Variants in CSRNP2 observed in about 807,000 individuals in gnomAD.
CSRNP2 encodes the protein cysteine/serine-rich nuclear protein 2.
Under a neutral mutation model 36.6 loss-of-function variants are expected in CSRNP2, and 11 were observed. The observed-to-expected ratio is 0.30, with a 90% CI of 0.19 to 0.50. The LOEUF (loss-of-function observed/expected upper bound fraction) is 0.50. CSRNP2 is among the 20% of genes least tolerant of loss of function. The pLI, the probability that CSRNP2 is intolerant of heterozygous loss-of-function variation, is 0.98. For synonymous variants in CSRNP2, 248 were observed against 275.3 expected (o/e 0.90, Z 0.98); for missense variants, 483 against 691.4 (o/e 0.70, Z 3.38).
intron 1 of CSRNP2, among the ~76,000 whole-genome samples, chr12:51,079,221 C>A (rs189190320): frequency 6.6e-6 from 1 of 151,694 alleles, no homozygotes; most frequent in Non-Finnish European, 1.5e-5. Flanking sequence ...CGGGGCCTGT[C>A]GTGGGGTGGG....
In CSRNP2 at chr12:51,064,126, C is replaced by G; in HGVS notation, c.1252G>C (p.Val418Leu). The G allele has an allele frequency of 1.2e-6, 2 of 1,614,186 alleles. No homozygotes were observed. The highest frequency in any genetic ancestry group is 1.7e-6 in the Non-Finnish European group (2 of 1,180,038). The change falls in exon 5 of 5, where the codon GTC becomes CTC. Residue 418 changes from valine (V) to leucine (L), a missense_variant. Val to Leu is a conservative substitution (Grantham distance 32, BLOSUM62 1). This residue lies in a region of CSRNP2 where 277 missense variants were observed against 323.6 expected (regional missense o/e 0.86). Transcript: ENST00000228515. Reference protein sequence around the residue: ...SPSYLNSGPLVYYQVEQRPVL... With the variant: ...SPSYLNSGPLLYYQVEQRPVL... ...GGCCTCTGCTCCACTTGATAATAGA[C>G]CAGGGGCCCACTGTTCAAGTAGGAT...
At chr12:51,076,345 C>G (rs1186019240) in intron 2 of CSRNP2, 66 bp downstream of exon 2, 3 of 1,556,804 alleles carry the variant, frequency 1.9e-6, no homozygotes, top group Non-Finnish European at 2.6e-6. Flanking sequence ...GACGCTGTCT[C>G]GAGCTGCCAT....
intron 4 of CSRNP2, among the ~76,000 whole-genome samples, chr12:51,065,463 T>C (rs1938072471): frequency 6.6e-6 from 1 of 152,216 alleles, no homozygotes; most frequent in Non-Finnish European, 1.5e-5. Flanking sequence ...CTTTCTATGA[T>C]ACTGACTTAT....
Position 51,061,531 on chromosome 12 carries a change from G to C in CSRNP2, c.*2215C>G, listed in dbSNP as rs904719957. On this transcript the variant is annotated 3_prime_UTR_variant, in exon 5 of 5. Transcript: ENST00000228515. ...CAGAAGTGAGATGGACTAGGTTGTA[G>C]AGAAGGCCTTTCGCTTGACAAGACA... 1 of 152,662 alleles carries C rather than the reference G, an allele frequency of 6.6e-6. No individual in the cohort carries two copies. The highest frequency in any genetic ancestry group is 2.4e-5 in the African/African-American group (1 of 41,460). 9.5% of individuals were successfully genotyped at this position (152,662 alleles called of 1,614,324 possible). A position where few individuals can be genotyped will look rare whatever the true frequency, so the allele number is the denominator to read the frequency against.
chr12:51,073,896 T>C lies in CSRNP2; in HGVS notation c.338A>G (p.Glu113Gly). The C allele has an allele frequency of 6.2e-7, 1 of 1,614,126 alleles. No homozygotes were observed. The highest frequency in any genetic ancestry group is 1.1e-5 in the South Asian group (1 of 91,074). The change falls in exon 3 of 5, where the codon GAA becomes GGA. Residue 113 changes from glutamate to glycine, a missense_variant. Physicochemically the swap from Glu to Gly is moderately conservative, Grantham distance 98. Transcript: ENST00000228515. ...AATCTCTCGATGGTTCACCTCCTGT[T>C]CCTGGGCAAACTCACAGAGTGTATA... The part of the protein sequence containing the change: ...RSYTLCEFAQ[E>G]QEVNHREILR...
Position 51,067,706 on chromosome 12 carries a change from C to G in CSRNP2, c.675G>C (p.Ala225=), listed in dbSNP as rs749118670. The G allele has an allele frequency of 6.2e-7, 1 of 1,613,930 alleles. No individual in the cohort carries two copies. The highest frequency in any genetic ancestry group is 8.5e-7 in the Non-Finnish European group (1 of 1,179,970). ...CDCRLYCDPE[A]CACSQAGIKC... is the part of the protein sequence containing the mutation. ...TAATCCCAGCCTGGCTGCAGGCACA[C>G]GCTTCTGGGTCACAATACAGTCGGC... The change falls in exon 4 of 5, where the codon GCG becomes GCC. Residue 225 remains alanine, a synonymous_variant. Transcript: ENST00000228515. This position sits in a 1 kb window ranked among gnomAD's most constrained non-coding sequence, Gnocchi z 4.1.
intron 3 of CSRNP2, among the ~76,000 whole-genome samples, chr12:51,070,127 A>AATC (rs1938978940): frequency 6.6e-6 from 1 of 152,166 alleles, no homozygotes; most frequent in Non-Finnish European, 1.5e-5. Flanking sequence ...GAGGCCTCAT[A>AATC]ATCCCTGGGG....
chr12:51,082,055 A>ATT lies in CSRNP2; in HGVS notation c.-87+1283_-87+1284insAA, dbSNP rs910394870. Among the ~76,000 whole-genome samples the ATT allele has an allele frequency of 1.2e-4, 18 of 152,238 alleles. 2 individuals carry two copies. The highest frequency in any genetic ancestry group is 1.1e-3 in the Admixed American group (17 of 15,284). The stretch of plus-strand genomic sequence containing the variant: ...TCAAGGAATCAAAACCTCCAGTAAG[A>ATT]TGGTCAGGGCTACCATCTGTAGCTG... On this transcript the variant is annotated intron_variant, in intron 1 of 4. Transcript: ENST00000228515.
intron 1 of CSRNP2, 48 bp from the exon 2 acceptor site, chr12:51,076,695 C>A: frequency 2.2e-6 from 2 of 908,120 alleles, no homozygotes. Flanking sequence ...CAGACAGACT[C>A]CTCCCCAGTC....
chr12:51,066,433 AAC>A (rs1224776163), intron 4 of CSRNP2, among the ~76,000 whole-genome samples: 1 of 149,500 alleles, frequency 6.7e-6, no homozygotes, highest in African/African-American at 2.5e-5. Context: ...CCAGCCTGGC[AAC>A]AGAGCAAGAC....
rs755010963 is a variant in CSRNP2 at position 51,063,726 on chromosome 12, G to A, written c.*20C>T. On this transcript the variant is annotated 3_prime_UTR_variant, in exon 5 of 5. Transcript: ENST00000228515. ...GGGAATAAATAGAGAATGGGTAAGA[G>A]GCAGGACCTCTAGCGCCTGTCACAC... The A allele has an allele frequency of 1.3e-6, 2 of 1,506,436 alleles. No individual in the cohort carries two copies. The highest frequency in any genetic ancestry group is 1.8e-6 in the Non-Finnish European group (2 of 1,125,200). The allele number at this position is 1,506,436 out of a possible 1,614,324, so 93.3% of individuals were successfully genotyped here.
At chr12:51,066,619 C>T (rs910602196) in intron 4 of CSRNP2, among the ~76,000 whole-genome samples, 5 of 139,440 alleles carry the variant, frequency 3.6e-5, no homozygotes, top group East Asian at 4.4e-4. Context: ...CCAGCCTGGG[C>T]GACAGAACGA....
chr12:51,072,787 T>A (rs913064235), intron 3 of CSRNP2, among the ~76,000 whole-genome samples: 1 of 152,172 alleles, frequency 6.6e-6, no homozygotes, highest in Admixed American at 6.6e-5. Context: ...TTTCAGAGAC[T>A]GTGAAATATC....
At chr12:51,071,060 G>A (rs901455048) in intron 3 of CSRNP2, among the ~76,000 whole-genome samples, 4 of 151,974 alleles carry the variant, frequency 2.6e-5, no homozygotes, top group Non-Finnish European at 4.4e-5. Flanking sequence ...CCAGGACTTC[G>A]AGACTAGCCT....
In CSRNP2 at chr12:51,067,745, T is replaced by C. The variant is rs1938550572; in HGVS notation, c.636A>G (p.Glu212=). ...ELRAIRLSRE[E]CGCDCRLYCD... is the part of the protein sequence containing the mutation. ...AATACAGTCGGCAGTCACAACCACA[T>C]TCTTCCCGTGACAGGCGGATGGCTC... The change falls in exon 4 of 5, where the codon GAA becomes GAG. Residue 212 remains glutamate (E), a synonymous_variant. Transcript: ENST00000228515. This position sits in a 1 kb window ranked among gnomAD's most constrained non-coding sequence, Gnocchi z 4.1. The C allele has an allele frequency of 6.2e-7, 1 of 1,614,174 alleles. No individual in the cohort carries two copies. Among genetic ancestry groups the C allele is most frequent in the African/African-American group, 1.3e-5 (1 of 75,032 alleles).
At chr12:51,066,510 G>A (rs2136855521) in intron 4 of CSRNP2, among the ~76,000 whole-genome samples, 1 of 151,260 alleles carries the variant, frequency 6.6e-6, no homozygotes, top group South Asian at 2.1e-4. Flanking sequence ...GCATAGTGGT[G>A]CACACCTGTA....
At position 51,064,537 on chromosome 12, in the gene CSRNP2, T is replaced by C; in HGVS notation, c.841A>G (p.Lys281Glu). ...HTIMKLELES[K>E]RQVSRPAAPD... Reference sequence around the variant, plus strand: ...GCTGCTGGGCGGCTCACCTGCCGCTTGCTCTCCAGCTCCAGCTTCATAATG... The same window carrying C: ...GCTGCTGGGCGGCTCACCTGCCGCTCGCTCTCCAGCTCCAGCTTCATAATG... Residue 281 changes from lysine to glutamate, a missense_variant, in exon 5 of 5, where the codon AAG (lysine) becomes GAG (glutamate). Physicochemically the swap from Lys to Glu is moderately conservative, Grantham distance 56 (BLOSUM62 1). Coordinates refer to ENST00000228515, the MANE Select transcript of CSRNP2 (RefSeq NM_030809.3). 1 of 1,613,464 alleles carries C rather than the reference T, an allele frequency of 6.2e-7. No homozygotes were observed. The highest frequency in any genetic ancestry group is 8.5e-7 in the Non-Finnish European group (1 of 1,179,682).
At chr12:51,080,253 G>T (rs889978008) in intron 1 of CSRNP2, among the ~76,000 whole-genome samples, 49 of 151,992 alleles carry the variant, frequency 3.2e-4, no homozygotes, top group Middle Eastern at 3.2e-3. Flanking sequence ...CTTTCCTCAG[G>T]TGTCCCCAGG....
At position 51,074,089 on chromosome 12, in the gene CSRNP2, AG is replaced by A; in HGVS notation, c.152-8del. The A allele has an allele frequency of 6.2e-7, 1 of 1,612,118 alleles. No individual in the cohort carries two copies. The highest frequency in any genetic ancestry group is 8.5e-7 in the Non-Finnish European group (1 of 1,179,390). On this transcript the variant is annotated splice_polypyrimidine_tract_variant and splice_region_variant and intron_variant, in intron 2 of 4. Coordinates refer to ENST00000228515, the MANE Select transcript of CSRNP2 (RefSeq NM_030809.3). ...CGCTTCAGGATGGATGTGGCTGAGA[AG>A]GGAGCACAGAGAGATGTTTTATTTA...
Sources: allele counts gnomAD v4.1 joint callset (sites outside exome capture counted in the v4.1 genomes callset), GRCh38; gene constraint gnomAD v4.1.1; regional missense constraint gnomAD v4.1.1; non-coding constraint Gnocchi (gnomAD v3.1); transcripts MANE v1.5; gene names NCBI Gene and HGNC (gene_info 2026-07-23, HGNC 2026-07-21).